Variants in ROCK2 observed in about 807,000 individuals in gnomAD.
The protein encoded by ROCK2 is rho-associated protein kinase 2.
ROCK2 carries 61 observed loss-of-function variants against 195.1 expected under a neutral mutation model. That is an observed-to-expected ratio of 0.31 (90% CI 0.25 to 0.39). The LOEUF is 0.39. Ranked by LOEUF, ROCK2 falls within the 10% of genes least tolerant of loss-of-function variation. The probability of loss-of-function intolerance (pLI) is 1.00; values close to 1 mark genes in which losing one functional copy is unlikely to be tolerated. For synonymous variants in ROCK2, 504 were observed against 545.5 expected (o/e 0.92, Z 1.06); for missense variants, 1,109 against 1,637.4 (o/e 0.68, Z 5.57).
At position 11,208,440 on chromosome 2, in the gene ROCK2, C is replaced by T. The variant is rs748737291; in HGVS notation, c.2211G>A (p.Glu737=). 1 of 1,496,610 alleles carries T rather than the reference C, an allele frequency of 6.7e-7. No homozygotes were observed. Among genetic ancestry groups the T allele is most frequent in the Non-Finnish European group, 9.0e-7 (1 of 1,111,924 alleles). 92.7% of individuals were successfully genotyped at this position (1,496,610 alleles called of 1,614,324 possible). ...AAGTTCTTTCCTCCAAGAGCTTCTTCTCCATTTCTAGTATAATAAAAATGG... is the reference window on the plus strand; with the variant it reads ...AAGTTCTTTCCTCCAAGAGCTTCTTTTCCATTTCTAGTATAATAAAAATGG... ...EAKSEAMKEM[E]KKLLEERTLK... The change falls in exon 19 of 33, where the codon GAG becomes GAA. Residue 737 remains glutamate, a synonymous_variant. Coordinates refer to ENST00000315872, the MANE Select transcript of ROCK2 (RefSeq NM_004850.5).
intron 16 of ROCK2, 44 bp from the exon 17 acceptor site, chr2:11,214,507 A>G: frequency 9.1e-7 from 1 of 1,093,070 alleles, no homozygotes; most frequent in East Asian, 2.4e-5. Flanking sequence ...CCCACAAAGT[A>G]TATACATTCA....
Position 11,194,967 on chromosome 2 carries a change from T to A in ROCK2, c.3507A>T (p.Gly1169=). 1.3e-6 allele frequency: 2 copies of A among 1,573,038 alleles called. No homozygotes were observed. ...LPVRNNTKKF[G]WVKKYVIVSS... ...AAGTATCAATTACCTTTTTAACCCA[T>A]CCAAATTTCTTAGTGTTGTTTCGTA... The change falls in exon 28 of 33, where the codon GGA becomes GGT. Residue 1169 remains glycine, a synonymous_variant. Coordinates refer to ENST00000315872, the MANE Select transcript of ROCK2 (RefSeq NM_004850.5).
At chr2:11,320,934 G>A (rs1444392548) in intron 1 of ROCK2, among the ~76,000 whole-genome samples, 1 of 152,090 alleles carries the variant, frequency 6.6e-6, no homozygotes, top group East Asian at 1.9e-4. Context: ...AAGAACACAG[G>A]TACTCCCCCT....
intron 3 of ROCK2, among the ~76,000 whole-genome samples, chr2:11,253,585 C>T (rs1375001708): frequency 6.6e-6 from 1 of 152,248 alleles, no homozygotes; most frequent in Non-Finnish European, 1.5e-5. Flanking sequence ...TATTGCCTGT[C>T]TCCCATAGTG....
rs1008935809 is a variant in ROCK2, at chr2:11,197,571, G to A, written c.3234C>T (p.Thr1078=). 23 of 1,613,018 alleles carry A rather than the reference G, an allele frequency of 1.4e-5. No individual in the cohort carries two copies. The African/African-American group carries it at 2.9e-4, about 21-fold the overall frequency. ...CTTTCTGATACTTGATCATCTGCTG[G>A]GTCAATTTCTCACGTTCAGATTTAA... The part of the protein sequence containing the change: ...MELKSEREKL[T]QQMIKYQKEL... Residue 1078 remains threonine, a synonymous_variant, in exon 26 of 33, where the codon ACC becomes ACT. Coordinates refer to ENST00000315872, the MANE Select transcript of ROCK2 (RefSeq NM_004850.5). This position sits in a 1 kb window ranked among gnomAD's most constrained non-coding sequence, Gnocchi z 4.9.
At chr2:11,196,780 G>A (rs191880039) in intron 27 of ROCK2, among the ~76,000 whole-genome samples, 1 of 152,278 alleles carries the variant, frequency 6.6e-6, no homozygotes, top group Admixed American at 6.5e-5. Flanking sequence ...GAACTGGAAG[G>A]CTTAGTGGCA....
chr2:11,317,265 A>G (rs1031828510), intron 1 of ROCK2, among the ~76,000 whole-genome samples: 1 of 151,930 alleles, frequency 6.6e-6, no homozygotes, highest in Non-Finnish European at 1.5e-5. Context: ...TAAATAGATT[A>G]ATTTACCAAT....
intron 1 of ROCK2, among the ~76,000 whole-genome samples, chr2:11,301,686 G>A (rs1667709946): frequency 6.6e-6 from 1 of 150,450 alleles, no homozygotes; most frequent in South Asian, 2.1e-4. Context: ...GCTGAGGGAG[G>A]AGAATCGCTT....
intron 3 of ROCK2, among the ~76,000 whole-genome samples, chr2:11,267,635 A>T (rs2148158280): frequency 6.6e-6 from 1 of 151,708 alleles, no homozygotes; most frequent in African/African-American, 2.4e-5. Flanking sequence ...CAATTCTCTC[A>T]ACCTCAGACG....
chr2:11,317,610 ATATTTT>A (rs1264960842), intron 1 of ROCK2, among the ~76,000 whole-genome samples: 1 of 16,812 alleles, frequency 5.9e-5, no homozygotes, highest in African/African-American at 2.0e-4. Context: ...ATATATATAT[ATATTTT>A]TTTTTTTTTT....
Position 11,215,157 on chromosome 2 carries a change from T to C in ROCK2, c.1690-71A>G, listed in dbSNP as rs975936337. On this transcript the variant is annotated intron_variant, in intron 15 of 32. Coordinates refer to ENST00000315872, the MANE Select transcript of ROCK2 (RefSeq NM_004850.5). ...TATGTAATGAAAATAAGTCAATGTA[T>C]TCCCCCATTAGAAACTATTTAAAAT... 3.8e-6 allele frequency: 6 copies of C among 1,559,518 alleles called. No individual in the cohort carries two copies. In the African/African-American group the frequency reaches 8.3e-5, roughly 22 times the overall value.
At position 11,197,480 on chromosome 2, in the gene ROCK2, TTC is replaced by T; in HGVS notation, c.3279+44_3279+45del. 1 of 1,568,836 alleles carries T rather than the reference TTC, an allele frequency of 6.4e-7. No individual in the cohort carries two copies. Among genetic ancestry groups the T allele is most frequent in the East Asian group, 2.3e-5 (1 of 44,412 alleles). Reference sequence around the variant, plus strand: ...AACACAGACATGAAAATAATTCTACTTCTTAAAAAGAAGTCTTCAGTCTAGAG... The same window carrying T: ...AACACAGACATGAAAATAATTCTACTTTAAAAAGAAGTCTTCAGTCTAGAG... On this transcript the variant is annotated intron_variant, in intron 26 of 32. Coordinates refer to ENST00000315872, the MANE Select transcript of ROCK2 (RefSeq NM_004850.5). This position sits in a 1 kb window ranked among gnomAD's most constrained non-coding sequence, Gnocchi z 4.9.
At chr2:11,254,917 A>G (rs1199237656) in intron 3 of ROCK2, among the ~76,000 whole-genome samples, 2 of 151,274 alleles carry the variant, frequency 1.3e-5, no homozygotes, top group African/African-American at 4.9e-5. Flanking sequence ...TGTACCCTAC[A>G]AATTTAAAAG....
In ROCK2 at chr2:11,215,659, TAA is replaced by T. The variant is rs1378814599; in HGVS notation, c.1462-16_1462-15del. 6.4e-6 allele frequency: 10 copies of T among 1,573,630 alleles called. 1 individual carries two copies. In the East Asian group the frequency reaches 2.0e-4, roughly 32 times the overall value. Reference sequence around the variant, plus strand: ...CCGTAAGGTAATCTGAAATAATGCTTAAAGTTATTATCAAAAAAGTATGTATA... The same window carrying T: ...CCGTAAGGTAATCTGAAATAATGCTTAGTTATTATCAAAAAAGTATGTATA... On this transcript the variant is annotated splice_polypyrimidine_tract_variant and intron_variant, in intron 13 of 32. Transcript: ENST00000315872.
At chr2:11,215,722 A>G (rs982494515) in intron 13 of ROCK2, 77 bp from the exon 14 acceptor site, 1 of 1,211,766 alleles carries the variant, frequency 8.3e-7, no homozygotes, top group African/African-American at 1.5e-5. Flanking sequence ...TTGCTATTCC[A>G]AACAGATAAA....
intron 2 of ROCK2, 106 bp from the exon 3 acceptor site, chr2:11,286,745 T>TTTAA: frequency 1.5e-6 from 1 of 658,784 alleles, no homozygotes; most frequent in Non-Finnish European, 2.4e-6. Context: ...AGTTTTTAGC[T>TTTAA]AAACTTGCCA....
At chr2:11,342,466 C>A (rs1355367347) in intron 1 of ROCK2, among the ~76,000 whole-genome samples, 1 of 152,186 alleles carries the variant, frequency 6.6e-6, no homozygotes, top group East Asian at 1.9e-4. Flanking sequence ...TGATTAATAT[C>A]ATTAAAGATC....
At chr2:11,327,443 A>G (rs914376062) in intron 1 of ROCK2, among the ~76,000 whole-genome samples, 2 of 152,222 alleles carry the variant, frequency 1.3e-5, no homozygotes, top group Non-Finnish European at 2.9e-5. Context: ...TTGGGAAACT[A>G]TAAAGCCAGA....
rs1185698225 is a variant in ROCK2 at position 11,344,321 on chromosome 2, G to A, written c.-185C>T. 3 of 1,165,548 alleles carry A rather than the reference G, an allele frequency of 2.6e-6. No homozygotes were observed. The highest frequency in any genetic ancestry group is 3.2e-6 in the Non-Finnish European group (3 of 948,364). 72.2% of individuals were successfully genotyped at this position (1,165,548 alleles called of 1,614,324 possible). A position where few individuals can be genotyped will look rare whatever the true frequency, so the allele number is the denominator to read the frequency against. On this transcript the variant is annotated 5_prime_UTR_variant, in exon 1 of 33. Transcript: ENST00000315872. This position sits in a 1 kb window ranked among gnomAD's most constrained non-coding sequence, Gnocchi z 5.4. ...GGGGGCTGCTCCCAGGGGCCCGCCC[G>A]GCCCAGCCCGGCCCAGCCCGGCCCG...
Sources: gnomAD v4.1 joint callset for allele counts (sites outside exome capture counted in the v4.1 genomes callset) on GRCh38, gnomAD v4.1.1 for gene constraint, Gnocchi (gnomAD v3.1) non-coding constraint, MANE v1.5 for transcripts, NCBI Gene and HGNC (gene_info 2026-07-23, HGNC 2026-07-21) for gene names.